DSCAML1: variants seen among roughly 807,000 people sequenced by gnomAD.
DSCAML1 encodes the protein DS cell adhesion molecule like 1, also known as cell adhesion molecule DSCAML1.
A neutral mutation model predicts 200.5 loss-of-function variants in DSCAML1; 38 were observed. The ratio of observed to expected loss-of-function variants is 0.19; its 90% CI spans 0.15 to 0.25. The LOEUF is 0.25. DSCAML1 is among the 10% of genes least tolerant of loss of function. The probability of loss-of-function intolerance (pLI) is 1.00; values close to 1 mark genes in which losing one functional copy is unlikely to be tolerated. For missense variants in DSCAML1, 2,223 were observed against 2,858.8 expected (o/e 0.78, Z 5.07); for synonymous variants, 1,215 against 1,165.0 (o/e 1.04, Z -0.87).
chr11:117,509,272 G>A (rs1367714739), intron 8 of DSCAML1, among the ~76,000 whole-genome samples: 1 of 152,094 alleles, frequency 6.6e-6, no homozygotes, highest in Non-Finnish European at 1.5e-5. Context: ...CAATACATGG[G>A]GTGAAGGAGA....
rs1400405962 is a variant in DSCAML1, at chr11:117,660,147, A to C, written c.511+116644T>G. Among the ~76,000 whole-genome samples, 7 of 152,198 alleles carry C rather than the reference A, an allele frequency of 4.6e-5. No individual in the cohort carries two copies. In the East Asian group the frequency reaches 1.4e-3, roughly 29 times the overall value. ...AACACAGGCCATAGGAAACAGCCCC[A>C]ATACATAAGCAGGGGCTCCTGCTTC... On this transcript the variant is annotated intron_variant, in intron 3 of 32. Transcript: ENST00000651296.
intron 3 of DSCAML1, among the ~76,000 whole-genome samples, chr11:117,726,023 G>A (rs114880432): frequency 3.8e-3 from 572 of 152,262 alleles, no homozygotes; most frequent in African/African-American, 0.013. Flanking sequence ...CTCAGCCCAG[G>A]TCAGGCAGCC....
At chr11:117,507,556 A>T (rs900165935) in intron 8 of DSCAML1, among the ~76,000 whole-genome samples, 1 of 152,086 alleles carries the variant, frequency 6.6e-6, no homozygotes, top group Non-Finnish European at 1.5e-5. Flanking sequence ...TTTAGGAGGG[A>T]TGTGGCCTCT....
intron 3 of DSCAML1, among the ~76,000 whole-genome samples, chr11:117,618,532 C>A (rs935244635): frequency 6.6e-6 from 1 of 152,128 alleles, no homozygotes; most frequent in Non-Finnish European, 1.5e-5. Context: ...TTCCTATAAC[C>A]TTTTCTACCA....
rs546034149 is a variant in DSCAML1, at chr11:117,731,913, G to A, written c.511+44878C>T. Among the ~76,000 whole-genome samples, 243 of 152,320 alleles carry A rather than the reference G, an allele frequency of 1.6e-3. 2 individuals carry two copies. Among genetic ancestry groups the A allele is most frequent in the Non-Finnish European group, 2.4e-3 (164 of 68,026 alleles). ...TAAAGAGAAAGAAAAAGCAGCAGGTGTCTCAGCATGGGTGTCTCAGCATGG... is the reference window on the plus strand; with the variant it reads ...TAAAGAGAAAGAAAAAGCAGCAGGTATCTCAGCATGGGTGTCTCAGCATGG... On this transcript the variant is annotated intron_variant, in intron 3 of 32. Transcript: ENST00000651296.
Position 117,439,809 on chromosome 11 carries a change from C to T in DSCAML1, c.3980+10G>A, listed in dbSNP as rs371666696. On this transcript the variant is annotated intron_variant, in intron 22 of 32. Coordinates refer to ENST00000651296, the MANE Select transcript of DSCAML1 (RefSeq NM_020693.4). ...GGGCCACCCCATCCCTCCACTGTCC[C>T]GACACACACCTGTCCTTGGTCCACT... 33 of 1,611,950 alleles carry T rather than the reference C, an allele frequency of 2.0e-5. No individual in the cohort carries two copies. Among genetic ancestry groups the T allele is most frequent in the Admixed American group, 3.3e-5 (2 of 60,024 alleles).
intron 23 of DSCAML1, 90 bp from the exon 24 acceptor site, chr11:117,439,073 C>T (rs2047983476): frequency 2.2e-6 from 3 of 1,365,892 alleles, no homozygotes; most frequent in South Asian, 2.9e-5. Context: ...GGTGCTGGCT[C>T]TCCCACACCC....
chr11:117,577,499 T>TTCCC (rs2050963211), intron 3 of DSCAML1, among the ~76,000 whole-genome samples: 1 of 16,424 alleles, frequency 6.1e-5, no homozygotes, highest in Non-Finnish European at 1.9e-4. Context: ...CCTTCCTTCC[T>TTCCC]TCCTTCCCTC....
intron 16 of DSCAML1, among the ~76,000 whole-genome samples, chr11:117,466,944 C>A (rs182508930): frequency 7.2e-5 from 11 of 152,308 alleles, no homozygotes; most frequent in African/African-American, 2.4e-4. Context: ...GGCTGCAGTG[C>A]CCCAGACGCC....
chr11:117,437,160 T>C lies in DSCAML1; in HGVS notation c.4682A>G (p.Asn1561Ser), dbSNP rs752780879. The change falls in exon 26 of 33, where the codon AAT (asparagine) becomes AGT (serine). Residue 1561 changes from asparagine to serine, a missense_variant. By Grantham distance (46) the Asn-to-Ser change is conservative (BLOSUM62 1). This residue lies in a region of DSCAML1 where 614 missense variants were observed against 739.1 expected (regional missense o/e 0.83). Coordinates refer to ENST00000651296, the MANE Select transcript of DSCAML1 (RefSeq NM_020693.4). This position sits in a 1 kb window ranked among gnomAD's most constrained non-coding sequence, Gnocchi z 5.3. Reference protein sequence around the residue: ...MRACNSAGCGNETAQFATLDY... With the variant: ...MRACNSAGCGSETAQFATLDY... ...CAGGGTGGCGAACTGGGCTGTTTCA[T>C]TGCCGCAGCCCGCACTGTTGCAAGC... is the stretch of plus-strand genomic sequence containing the variant. The C allele has an allele frequency of 1.9e-6, 3 of 1,614,092 alleles. No homozygotes were observed. The highest frequency in any genetic ancestry group is 2.5e-6 in the Non-Finnish European group (3 of 1,179,966).
At chr11:117,541,982 G>T (rs917738471) in intron 3 of DSCAML1, among the ~76,000 whole-genome samples, 12 of 152,204 alleles carry the variant, frequency 7.9e-5, no homozygotes, top group African/African-American at 2.9e-4. Flanking sequence ...TCAAGTCCAG[G>T]ACCCAACATT....
chr11:117,566,518 T>C (rs572571020), intron 3 of DSCAML1, among the ~76,000 whole-genome samples: 3 of 150,654 alleles, frequency 2.0e-5, no homozygotes, highest in Non-Finnish European at 4.4e-5. Context: ...CAGCTAACTT[T>C]TGTATTTTTT....
chr11:117,518,811 C>A lies in DSCAML1; in HGVS notation c.1214-49G>T. The A allele has an allele frequency of 6.4e-7, 1 of 1,557,068 alleles. No individual in the cohort carries two copies. The highest frequency in any genetic ancestry group is 8.6e-7 in the Non-Finnish European group (1 of 1,158,504). On this transcript the variant is annotated intron_variant, in intron 6 of 32. Coordinates refer to ENST00000651296, the MANE Select transcript of DSCAML1 (RefSeq NM_020693.4). This position sits in a 1 kb window ranked among gnomAD's most constrained non-coding sequence, Gnocchi z 6.3. ...TCAGGGTCACCAAGCCATGGAGAGACGGTCCCCCCAGCCACCCCACCTCAG... is the reference window on the plus strand; with the variant it reads ...TCAGGGTCACCAAGCCATGGAGAGAAGGTCCCCCCAGCCACCCCACCTCAG...
chr11:117,790,543 T>C (rs2055442745), intron 1 of DSCAML1, among the ~76,000 whole-genome samples: 1 of 152,244 alleles, frequency 6.6e-6, no homozygotes, highest in Non-Finnish European at 1.5e-5. Context: ...TATGATGAAA[T>C]GACAGTAATT....
At chr11:117,494,943 C>A (rs1443231864) in intron 11 of DSCAML1, among the ~76,000 whole-genome samples, 4 of 152,170 alleles carry the variant, frequency 2.6e-5, no homozygotes, top group African/African-American at 9.7e-5. Context: ...CCTGCCAATA[C>A]CTTGATGTCA....
chr11:117,780,799 C>T lies in DSCAML1; in HGVS notation c.58G>A (p.Asp20Asn). The change falls in exon 2 of 33, where the codon GAT (aspartate) becomes AAT (asparagine). Residue 20 changes from aspartate to asparagine, a missense_variant. Physicochemically the swap from Asp to Asn is conservative, Grantham distance 23 (BLOSUM62 1). Transcript: ENST00000651296. This position sits in a 1 kb window ranked among gnomAD's most constrained non-coding sequence, Gnocchi z 4.8. ...LDSLHKARPE[D>N]VGTSLYFVND... ...ACAAAGTAGAGGCTGGTGCCAACAT[C>T]TTCAGGGCGGGCTGCAGGAGAGGCA... The T allele has an allele frequency of 6.9e-7, 1 of 1,457,700 alleles. No homozygotes were observed. Among genetic ancestry groups the T allele is most frequent in the Non-Finnish European group, 9.0e-7 (1 of 1,106,784 alleles). 90.3% of individuals were successfully genotyped at this position (1,457,700 alleles called of 1,614,324 possible). A position where few individuals can be genotyped will look rare whatever the true frequency, so the allele number is the denominator to read the frequency against.
intron 11 of DSCAML1, among the ~76,000 whole-genome samples, chr11:117,485,781 G>A (rs1485488383): frequency 6.6e-6 from 1 of 152,238 alleles, no homozygotes; most frequent in Non-Finnish European, 1.5e-5. Context: ...CTAGGTCTGT[G>A]GCCTGAAGAC....
chr11:117,659,113 G>C (rs1053795722), intron 3 of DSCAML1, among the ~76,000 whole-genome samples: 2 of 152,208 alleles, frequency 1.3e-5, no homozygotes, highest in African/African-American at 4.8e-5. Context: ...CTGGGAGCAA[G>C]AATGGGATTT....
intron 3 of DSCAML1, among the ~76,000 whole-genome samples, chr11:117,596,738 C>G (rs1007073396): frequency 6.6e-6 from 1 of 152,324 alleles, no homozygotes; most frequent in Middle Eastern, 3.4e-3. Flanking sequence ...AAAATCTAGT[C>G]TTTGTGAACA....
Sources: allele counts gnomAD v4.1 joint callset (sites outside exome capture counted in the v4.1 genomes callset), GRCh38; gene constraint gnomAD v4.1.1; regional missense constraint gnomAD v4.1.1; non-coding constraint Gnocchi (gnomAD v3.1); transcripts MANE v1.5; gene names NCBI Gene and HGNC (gene_info 2026-07-23, HGNC 2026-07-21).